Variants in ADAMTS16 observed in about 807,000 individuals in gnomAD.
ADAMTS16 encodes A disintegrin and metalloproteinase with thrombospondin motifs 16.
ADAMTS16 carries 94 observed loss-of-function variants against 145.8 expected under a neutral mutation model. The observed-to-expected ratio is 0.64, with a 90% CI of 0.55 to 0.77. The LOEUF is 0.77. ADAMTS16 is among the 30% of genes least tolerant of loss of function. The pLI is 0.00. For missense variants in ADAMTS16, 1,585 were observed against 1,591.5 expected (o/e 1.00, Z 0.07); for synonymous variants, 659 against 604.3 (o/e 1.09, Z -1.33).
intron 21 of ADAMTS16, 69 bp downstream of exon 21, chr5:5,306,797 C>T (rs905700934): frequency 4.3e-6 from 6 of 1,409,942 alleles, no homozygotes; most frequent in Admixed American, 5.1e-5. Flanking sequence ...CGCTGGCTCC[C>T]GGGGATGCTT....
At chr5:5,273,372 A>C (rs1738560325) in intron 18 of ADAMTS16, among the ~76,000 whole-genome samples, 1 of 152,166 alleles carries the variant, frequency 6.6e-6, no homozygotes, top group Non-Finnish European at 1.5e-5. Flanking sequence ...AAATACAAAA[A>C]ACTTAGCTGA....
At chr5:5,306,824 C>T in intron 21 of ADAMTS16, 96 bp downstream of exon 21, 2 of 1,265,822 alleles carry the variant, frequency 1.6e-6, no homozygotes, top group South Asian at 3.1e-5. Context: ...GGGTGTTTTC[C>T]CCAAAGCTGG....
At chr5:5,233,383 TTACA>T (rs1489153497) in intron 12 of ADAMTS16, among the ~76,000 whole-genome samples, 1 of 152,232 alleles carries the variant, frequency 6.6e-6, no homozygotes, top group Non-Finnish European at 1.5e-5. Flanking sequence ...TATAGGTTTG[TTACA>T]TAAGCAAACT....
chr5:5,283,609 AAACTC>A (rs1008700279), intron 18 of ADAMTS16, among the ~76,000 whole-genome samples: 3 of 152,172 alleles, frequency 2.0e-5, no homozygotes, highest in Admixed American at 2.0e-4. Context: ...CAAAAGGTGT[AAACTC>A]ACGAGACCCC....
intron 17 of ADAMTS16, among the ~76,000 whole-genome samples, chr5:5,250,468 A>T (rs1737586815): frequency 6.6e-6 from 1 of 152,210 alleles, no homozygotes; most frequent in Non-Finnish European, 1.5e-5. Context: ...ATAGTGCTGG[A>T]TTAACCATGA....
At chr5:5,257,235 AT>A (rs1737817438) in intron 17 of ADAMTS16, among the ~76,000 whole-genome samples, 2 of 152,176 alleles carry the variant, frequency 1.3e-5, no homozygotes. Flanking sequence ...TATTTTGATA[AT>A]GTTTGGGGGG....
At chr5:5,193,616 A>C (rs895862537) in intron 8 of ADAMTS16, among the ~76,000 whole-genome samples, 5 of 152,236 alleles carry the variant, frequency 3.3e-5, no homozygotes, top group African/African-American at 4.8e-5. Context: ...AACTAAGTTA[A>C]ACTAGAGGCA....
chr5:5,155,238 A>T (rs1334721600), intron 3 of ADAMTS16, among the ~76,000 whole-genome samples: 1 of 151,832 alleles, frequency 6.6e-6, no homozygotes. Context: ...GAAGTCCACA[A>T]GGAACAGATA....
rs749372913 is a variant in ADAMTS16, at chr5:5,303,679, G to C, written c.3099G>C (p.Glu1033Asp). Residue 1033 changes from glutamate (E) to aspartate (D), a missense_variant, in exon 20 of 23, where the codon GAG (glutamate) becomes GAC (aspartate). By Grantham distance (45) the Glu-to-Asp change is conservative. Transcript: ENST00000274181. ...QLLPDAVCTS[E>D]PKPRMHEACL... is the part of the protein sequence containing the mutation. ...TGCCCGACGCTGTCTGCACCTCCGAGCCCAAGCCCAGGATGCATGAAGCCT... is the reference window on the plus strand; with the variant it reads ...TGCCCGACGCTGTCTGCACCTCCGACCCCAAGCCCAGGATGCATGAAGCCT... 1 of 1,613,736 alleles carries C rather than the reference G, an allele frequency of 6.2e-7. No individual in the cohort carries two copies. Among genetic ancestry groups the C allele is most frequent in the Non-Finnish European group, 8.5e-7 (1 of 1,180,038 alleles).
At chr5:5,183,877 A>G (rs1436964962) in intron 4 of ADAMTS16, among the ~76,000 whole-genome samples, 1 of 152,246 alleles carries the variant, frequency 6.6e-6, no homozygotes, top group Non-Finnish European at 1.5e-5. Flanking sequence ...GCTAAACTCT[A>G]TAACACATTC....
At chr5:5,202,341 C>T (rs1735980665) in intron 9 of ADAMTS16, among the ~76,000 whole-genome samples, 1 of 152,096 alleles carries the variant, frequency 6.6e-6, no homozygotes, top group Non-Finnish European at 1.5e-5. Flanking sequence ...GTAATATAAA[C>T]CTGTATTCTG....
intron 10 of ADAMTS16, 120 bp from the exon 11 acceptor site, chr5:5,222,669 T>C (rs1282261229): frequency 2.6e-5 from 20 of 754,734 alleles, no homozygotes; most frequent in South Asian, 1.2e-4. Context: ...TATTGCTAAG[T>C]AGGCATTCGC....
At chr5:5,234,109 C>G (rs181912359) in intron 12 of ADAMTS16, among the ~76,000 whole-genome samples, 1 of 152,186 alleles carries the variant, frequency 6.6e-6, no homozygotes, top group African/African-American at 2.4e-5. Flanking sequence ...TTGTTTCAGT[C>G]CCATCTTTAA....
At chr5:5,308,613 G>A (rs1204030682) in intron 21 of ADAMTS16, among the ~76,000 whole-genome samples, 1 of 152,158 alleles carries the variant, frequency 6.6e-6, no homozygotes, top group Non-Finnish European at 1.5e-5. Flanking sequence ...GCCTGGACAC[G>A]CTTCCCATCC....
chr5:5,313,346 C>G (rs9313109), intron 21 of ADAMTS16, among the ~76,000 whole-genome samples: 119,800 of 152,198 alleles, frequency 0.79, 47,657 homozygotes, highest in East Asian at 1. Flanking sequence ...AAAGATCGCC[C>G]TTCCTATTAT....
At chr5:5,140,814 G>T (rs137886313) in intron 2 of ADAMTS16, 48 bp downstream of exon 2, 2 of 1,476,670 alleles carry the variant, frequency 1.4e-6, no homozygotes, top group Admixed American at 2.1e-5. Flanking sequence ...TTAGCAGCTC[G>T]TAATCTCCGT....
At chr5:5,173,409 C>T (rs1198762799) in intron 3 of ADAMTS16, among the ~76,000 whole-genome samples, 9 of 146,610 alleles carry the variant, frequency 6.1e-5, no homozygotes, top group Admixed American at 6.1e-4. Context: ...GTTTGTGTAT[C>T]TTTTGTACTT....
chr5:5,289,810 G>A (rs370277145), intron 18 of ADAMTS16, among the ~76,000 whole-genome samples: 41 of 152,148 alleles, frequency 2.7e-4, no homozygotes, highest in East Asian at 1.2e-3. Context: ...GATCTCCACC[G>A]GCCTGAAATA....
intron 3 of ADAMTS16, among the ~76,000 whole-genome samples, chr5:5,170,480 G>T (rs1735015157): frequency 6.6e-6 from 1 of 152,104 alleles, no homozygotes; most frequent in African/African-American, 2.4e-5. Context: ...CTGGGTTCAA[G>T]CGATTCTCCT....
Sources: gnomAD v4.1 joint callset for allele counts (sites outside exome capture counted in the v4.1 genomes callset) on GRCh38, gnomAD v4.1.1 for gene constraint, MANE v1.5 for transcripts, NCBI Gene and HGNC (gene_info 2026-07-23, HGNC 2026-07-21) for gene names.